NEBL: variants seen among roughly 807,000 people sequenced by gnomAD.
NEBL encodes nebulette.
NEBL carries 122 observed loss-of-function variants against 140.2 expected under a neutral mutation model. The ratio of observed to expected loss-of-function variants is 0.87; its 90% confidence interval spans 0.75 to 1.01. The LOEUF is 1.01. Among genes scored for constraint, NEBL ranks in the 50% least tolerant of loss-of-function variants. The pLI, the probability that NEBL is intolerant of heterozygous loss-of-function variation, is 0.00. For synonymous variants in NEBL, 436 were observed against 398.9 expected (o/e 1.09, Z -1.11); for missense variants, 1,365 against 1,231.3 (o/e 1.11, Z -1.62).
chr10:20,944,526 T>C (rs1046137344), intron 4 of NEBL, among the ~76,000 whole-genome samples: 3 of 152,260 alleles, frequency 2.0e-5, no homozygotes, highest in Non-Finnish European at 4.4e-5. Flanking sequence ...AGAACTAATG[T>C]AGCATTTCTC....
At chr10:20,966,724 G>T (rs1172093021) in intron 3 of NEBL, among the ~76,000 whole-genome samples, 1 of 152,180 alleles carries the variant, frequency 6.6e-6, no homozygotes, top group Non-Finnish European at 1.5e-5. Context: ...AGGCAGAGTG[G>T]CAAATGGAAT....
At position 20,851,839 on chromosome 10, in the gene NEBL, T is replaced by A. The variant is rs113131794; in HGVS notation, c.1008+706A>T. Among the ~76,000 whole-genome samples, 1,380 of 152,274 alleles carry A rather than the reference T, an allele frequency of 9.1e-3. 18 individuals carry two copies. Among genetic ancestry groups the A allele is most frequent in the African/African-American group, 0.031 (1,291 of 41,568 alleles). ...GAAAATAAGTAATTTTTAGAAATGATGTATATTTCCAAACTTAAAGGGGAA... is the reference window on the plus strand; with the variant it reads ...GAAAATAAGTAATTTTTAGAAATGAAGTATATTTCCAAACTTAAAGGGGAA... On this transcript the variant is annotated intron_variant, in intron 10 of 27. Coordinates refer to ENST00000377122, the MANE Select transcript of NEBL (RefSeq NM_006393.3).
At position 20,831,501 on chromosome 10, in the gene NEBL, G is replaced by A. The variant is rs746085566; in HGVS notation, c.1532C>T (p.Ala511Val). Reference protein sequence around the residue: ...VSTDTLDVQRAKKASEMASQK... With the variant: ...VSTDTLDVQRVKKASEMASQK... The stretch of plus-strand genomic sequence containing the variant: ...GCTGGCCATCTCGGATGCTTTCTTA[G>A]CTCTCTGGACATCAAGAGTGTCTGT... The change falls in exon 15 of 28, where the codon GCT becomes GTT. Residue 511 changes from alanine to valine, a missense_variant. By Grantham distance (64) the Ala-to-Val change is moderately conservative. Transcript: ENST00000377122. 2 of 1,611,070 alleles carry A rather than the reference G, an allele frequency of 1.2e-6. No homozygotes were observed. Among genetic ancestry groups the A allele is most frequent in the Non-Finnish European group, 1.7e-6 (2 of 1,178,814 alleles).
intron 2 of NEBL, among the ~76,000 whole-genome samples, chr10:20,891,137 C>A (rs543828168): frequency 6.6e-6 from 1 of 152,142 alleles, no homozygotes; most frequent in Non-Finnish European, 1.5e-5. Flanking sequence ...CATTACTTAA[C>A]CTGTGGTAGA....
intron 2 of NEBL, among the ~76,000 whole-genome samples, chr10:21,161,041 C>T (rs765229846): frequency 3.3e-5 from 5 of 152,140 alleles, no homozygotes; most frequent in Non-Finnish European, 7.3e-5. Flanking sequence ...GACCCGTAAT[C>T]CAGCTGCAAA....
intron 19 of NEBL, among the ~76,000 whole-genome samples, chr10:20,820,952 G>A (rs928374417): frequency 5.9e-5 from 9 of 152,164 alleles, no homozygotes; most frequent in Non-Finnish European, 1.0e-4. Context: ...ATGAAAAGGG[G>A]TAAGGTTCCT....
intron 3 of NEBL, among the ~76,000 whole-genome samples, chr10:21,234,220 C>T (rs1215936214): frequency 6.6e-6 from 1 of 151,922 alleles, no homozygotes; most frequent in Non-Finnish European, 1.5e-5. Context: ...GATGTAGTTT[C>T]CTCCAAATCA....
chr10:21,009,661 T>C (rs1194245957), intron 3 of NEBL, among the ~76,000 whole-genome samples: 1 of 152,140 alleles, frequency 6.6e-6, no homozygotes, highest in East Asian at 1.9e-4. Context: ...CAGAATACAA[T>C]ACAATTGTCC....
intron 26 of NEBL, among the ~76,000 whole-genome samples, chr10:20,800,605 C>T (rs548935551): frequency 6.6e-5 from 10 of 152,016 alleles, no homozygotes; most frequent in Non-Finnish European, 1.0e-4. Context: ...GCTAAAGTTT[C>T]CTTTTCTAGG....
At chr10:20,929,650 G>A (rs564542034) in intron 4 of NEBL, among the ~76,000 whole-genome samples, 1 of 151,602 alleles carries the variant, frequency 6.6e-6, no homozygotes, top group South Asian at 2.1e-4. Flanking sequence ...AAATAACTCA[G>A]GAAGTCAGAT....
At chr10:20,965,646 T>C (rs1836276091) in intron 3 of NEBL, among the ~76,000 whole-genome samples, 1 of 152,276 alleles carries the variant, frequency 6.6e-6, no homozygotes, top group South Asian at 2.1e-4. Flanking sequence ...TGGAGGTTTG[T>C]ATGCGGAACA....
At chr10:20,920,212 T>C (rs748363931) in intron 4 of NEBL, among the ~76,000 whole-genome samples, 11 of 152,214 alleles carry the variant, frequency 7.2e-5, no homozygotes, top group Non-Finnish European at 1.0e-4. Flanking sequence ...CATAACTGGT[T>C]CAACCCCAGT....
intron 24 of NEBL, among the ~76,000 whole-genome samples, chr10:20,810,204 T>C (rs1320620413): frequency 1.3e-5 from 2 of 152,170 alleles, no homozygotes; most frequent in African/African-American, 2.4e-5. Flanking sequence ...CAGGAGCACA[T>C]GGGGCAGCTA....
intron 14 of NEBL, among the ~76,000 whole-genome samples, chr10:20,832,256 T>C (rs1376293049): frequency 1.3e-5 from 2 of 152,254 alleles, no homozygotes; most frequent in Non-Finnish European, 2.9e-5. Flanking sequence ...GGTTCTGGGA[T>C]GCATGCATCT....
At chr10:20,970,003 G>C (rs541525086) in intron 3 of NEBL, among the ~76,000 whole-genome samples, 38 of 152,140 alleles carry the variant, frequency 2.5e-4, no homozygotes, top group Admixed American at 2.6e-4. Flanking sequence ...CCTTAGGCAA[G>C]TTACTTAGTA....
Position 20,858,364 on chromosome 10 carries a change from C to G in NEBL, c.799-20G>C. On this transcript the variant is annotated intron_variant, in intron 8 of 27. Transcript: ENST00000377122. ...CTTCACCTATGAAAATAACATGGAA[C>G]AAAATACCATCGAGGAGAAGAAAAT... The G allele has an allele frequency of 2.0e-6, 3 of 1,511,826 alleles. No homozygotes were observed. Among genetic ancestry groups the G allele is most frequent in the South Asian group, 1.1e-5 (1 of 88,980 alleles). The allele number at this position is 1,511,826 out of a possible 1,614,324, so 93.7% of individuals were successfully genotyped here. A position where few individuals can be genotyped will look rare whatever the true frequency, so the allele number is the denominator to read the frequency against.
At position 20,812,955 on chromosome 10, in the gene NEBL, A is replaced by G. The variant is rs1460962592; in HGVS notation, c.2347-15T>C. 6.2e-7 allele frequency: 1 copy of G among 1,610,362 alleles called. No individual in the cohort carries two copies. Among genetic ancestry groups the G allele is most frequent in the East Asian group, 2.2e-5 (1 of 44,778 alleles). ...TGGTATTTTACCTGAAAAAGGAAAA[A>G]TCATCATACTGAATTTTGCGGATAG... is the stretch of plus-strand genomic sequence containing the variant. On this transcript the variant is annotated splice_polypyrimidine_tract_variant and intron_variant, in intron 23 of 27. Transcript: ENST00000377122.
intron 3 of NEBL, among the ~76,000 whole-genome samples, chr10:20,963,253 G>A (rs1836142240): frequency 6.6e-6 from 1 of 152,134 alleles, no homozygotes. Context: ...TCCACATGCT[G>A]GCACATTCTC....
intron 7 of NEBL, among the ~76,000 whole-genome samples, chr10:20,864,772 TTGC>T (rs1343797115): frequency 6.6e-6 from 1 of 152,140 alleles, no homozygotes; most frequent in Non-Finnish European, 1.5e-5. Context: ...GAAACTAAAC[TTGC>T]TGCCCAAATT....
Sources: allele counts gnomAD v4.1 joint callset (sites outside exome capture counted in the v4.1 genomes callset), GRCh38; gene constraint gnomAD v4.1.1; transcripts MANE v1.5; gene names NCBI Gene and HGNC (gene_info 2026-07-23, HGNC 2026-07-21).